The following ENOX1 variants were observed in gnomAD, a reference collection of about 807,000 sequenced individuals.
ENOX1 encodes the protein candidate growth-related and time keeping constitutive hydroquinone (NADH) oxidase.
In ENOX1, 42 loss-of-function variants were observed where a neutral mutation model predicts 82.5. That is an observed-to-expected ratio of 0.51 (90% CI 0.40 to 0.66). The LOEUF is 0.66. Among genes scored for constraint, ENOX1 ranks in the 30% least tolerant of loss-of-function variants. The pLI is 0.00. For synonymous variants in ENOX1, 271 were observed against 282.2 expected (o/e 0.96, Z 0.40); for missense variants, 608 against 811.6 (o/e 0.75, Z 3.05).
intron 11 of ENOX1, among the ~76,000 whole-genome samples, chr13:43,301,665 T>C (rs2046584842): frequency 6.6e-6 from 1 of 152,068 alleles, no homozygotes; most frequent in African/African-American, 2.4e-5. Flanking sequence ...ACATTCCTGA[T>C]TAAATGATTT....
chr13:43,370,185 G>A (rs1285754320), intron 5 of ENOX1, among the ~76,000 whole-genome samples: 5 of 152,112 alleles, frequency 3.3e-5, no homozygotes, highest in Admixed American at 3.3e-4. Context: ...GGCTAACACG[G>A]TGAAACCCCA....
At chr13:43,624,970 G>C (rs1341117120) in intron 2 of ENOX1, among the ~76,000 whole-genome samples, 2 of 152,030 alleles carry the variant, frequency 1.3e-5, no homozygotes, top group Admixed American at 6.6e-5. Flanking sequence ...CTACATATCA[G>C]CTTGGGGAGA....
chr13:43,678,547 A>G (rs2085627296), intron 1 of ENOX1, among the ~76,000 whole-genome samples: 1 of 152,214 alleles, frequency 6.6e-6, no homozygotes, highest in Non-Finnish European at 1.5e-5. Flanking sequence ...GGAGAGTTAA[A>G]TGCCACTTCC....
At chr13:43,711,787 AT>A (rs1416299926) in intron 1 of ENOX1, among the ~76,000 whole-genome samples, 1 of 150,966 alleles carries the variant, frequency 6.6e-6, no homozygotes, top group African/African-American at 2.5e-5. Flanking sequence ...TTTCTTGTAA[AT>A]TTGTTGGAGT....
intron 1 of ENOX1, among the ~76,000 whole-genome samples, chr13:43,767,509 C>T (rs1015804286): frequency 2.6e-5 from 4 of 152,168 alleles, no homozygotes; most frequent in African/African-American, 9.7e-5. Flanking sequence ...GCAGCAATTG[C>T]CTCACGCCAA....
chr13:43,213,986 G>C lies in ENOX1; in HGVS notation c.*4C>G, dbSNP rs370635490. 4.3e-5 allele frequency: 70 copies of C among 1,612,682 alleles called. No homozygotes were observed. In the African/African-American group the frequency reaches 8.1e-4, roughly 19 times the overall value. ...CATTTCCAGAGATGCTTTGCTCTTCGCAGTTAGGTAGTTTTAATTCCTTCA... is the reference window on the plus strand; with the variant it reads ...CATTTCCAGAGATGCTTTGCTCTTCCCAGTTAGGTAGTTTTAATTCCTTCA... On this transcript the variant is annotated 3_prime_UTR_variant, in exon 17 of 17. Coordinates refer to ENST00000690772, the MANE Select transcript of ENOX1 (RefSeq NM_001347969.2).
At chr13:43,590,646 C>G (rs539259753) in intron 2 of ENOX1, among the ~76,000 whole-genome samples, 1 of 151,622 alleles carries the variant, frequency 6.6e-6, no homozygotes, top group Non-Finnish European at 1.5e-5. Flanking sequence ...CACAGTGGCA[C>G]GCGCCTGTAG....
At chr13:43,372,487 A>C (rs904725501) in intron 5 of ENOX1, among the ~76,000 whole-genome samples, 2 of 152,168 alleles carry the variant, frequency 1.3e-5, no homozygotes, top group African/African-American at 4.8e-5. Context: ...CTAAATCCAC[A>C]CAAGGTCATC....
At chr13:43,577,576 A>G (rs2080500191) in intron 2 of ENOX1, among the ~76,000 whole-genome samples, 1 of 152,214 alleles carries the variant, frequency 6.6e-6, no homozygotes, top group Admixed American at 6.5e-5. Flanking sequence ...AAAAGAAAGA[A>G]AAGAGGAATT....
chr13:43,662,023 C>T (rs1488860942), intron 2 of ENOX1, among the ~76,000 whole-genome samples: 2 of 151,868 alleles, frequency 1.3e-5, no homozygotes, highest in African/African-American at 4.8e-5. Context: ...AATACTAATT[C>T]TTCCATCATG....
intron 3 of ENOX1, among the ~76,000 whole-genome samples, chr13:43,433,979 G>A (rs1187561984): frequency 6.6e-6 from 1 of 152,224 alleles, no homozygotes; most frequent in Non-Finnish European, 1.5e-5. Flanking sequence ...AAGATATAAA[G>A]ATGTCCACAG....
At chr13:43,302,646 T>C (rs890876727) in intron 11 of ENOX1, among the ~76,000 whole-genome samples, 1 of 152,292 alleles carries the variant, frequency 6.6e-6, no homozygotes, top group African/African-American at 2.4e-5. Flanking sequence ...GGCTTAAAGG[T>C]ATTGCGGCAT....
chr13:43,359,847 G>A lies in ENOX1; in HGVS notation c.589+4C>T, dbSNP rs1014676410. The A allele has an allele frequency of 5.0e-6, 8 of 1,613,308 alleles. No individual in the cohort carries two copies. The African/African-American group carries it at 5.3e-5, about 11-fold the overall frequency. On this transcript the variant is annotated splice_donor_region_variant and intron_variant, in intron 7 of 16. Transcript: ENST00000690772. ...TAGAAAACTCCTTATGTAATGCAAA[G>A]TACCAGAAAGGTAAATGGCTTTATC...
intron 1 of ENOX1, among the ~76,000 whole-genome samples, chr13:43,729,877 T>C (rs78744069): frequency 6.6e-6 from 1 of 152,204 alleles, no homozygotes; most frequent in African/African-American, 2.4e-5. Context: ...CCAATTTTAG[T>C]ATATGTGCTG....
chr13:43,296,154 C>A (rs9533444), intron 12 of ENOX1, among the ~76,000 whole-genome samples: 100,668 of 152,098 alleles, frequency 0.66, 34,371 homozygotes, highest in Non-Finnish European at 0.75. Flanking sequence ...TGTGCCCTGC[C>A]CCCCAGCCCC....
At chr13:43,331,493 G>A (rs1203411281) in intron 9 of ENOX1, among the ~76,000 whole-genome samples, 1 of 152,058 alleles carries the variant, frequency 6.6e-6, no homozygotes, top group Non-Finnish European at 1.5e-5. Context: ...GGGTACACAG[G>A]ACATTTTTCT....
At chr13:43,508,643 A>G (rs1405062295) in intron 2 of ENOX1, among the ~76,000 whole-genome samples, 1 of 152,058 alleles carries the variant, frequency 6.6e-6, no homozygotes, top group East Asian at 1.9e-4. Flanking sequence ...AGGGTATTTT[A>G]GCAATGGGGA....
At chr13:43,410,639 C>CAT (rs923824192) in intron 5 of ENOX1, among the ~76,000 whole-genome samples, 2 of 151,418 alleles carry the variant, frequency 1.3e-5, no homozygotes, top group Non-Finnish European at 2.9e-5. Flanking sequence ...CACACACACA[C>CAT]ACACACACAC....
chr13:43,319,382 T>C (rs2047684431), intron 11 of ENOX1, among the ~76,000 whole-genome samples: 1 of 152,176 alleles, frequency 6.6e-6, no homozygotes, highest in Non-Finnish European at 1.5e-5. Context: ...TATTGCAAAT[T>C]ATTATATATG....
Sources: allele counts gnomAD v4.1 joint callset (sites outside exome capture counted in the v4.1 genomes callset), GRCh38; gene constraint gnomAD v4.1.1; transcripts MANE v1.5; gene names NCBI Gene and HGNC (gene_info 2026-07-23, HGNC 2026-07-21).